CSMD1: variants seen among roughly 807,000 people sequenced by gnomAD.
The protein encoded by CSMD1 is CUB and Sushi multiple domains 1.
In CSMD1, 213 loss-of-function variants were observed where a neutral mutation model predicts 417.5. The ratio of observed to expected loss-of-function variants is 0.51; its 90% CI spans 0.46 to 0.57. The LOEUF is 0.57. CSMD1 is among the 20% of genes least tolerant of loss of function. CSMD1 has a pLI of 0.00. For missense variants in CSMD1, 6,923 were observed against 4,529.7 expected (o/e 1.53, Z -15.17); for synonymous variants, 2,862 against 1,736.8 (o/e 1.65, Z -16.11).
chr8:3,397,660 G>A (rs752490229), intron 16 of CSMD1, among the ~76,000 whole-genome samples: 2 of 152,172 alleles, frequency 1.3e-5, no homozygotes, highest in Non-Finnish European at 2.9e-5. Flanking sequence ...CAAGAAGTCT[G>A]GCTAAGCGTG....
At chr8:4,528,867 G>C (rs1205545043) in intron 2 of CSMD1, among the ~76,000 whole-genome samples, 3 of 152,016 alleles carry the variant, frequency 2.0e-5, no homozygotes, top group South Asian at 4.1e-4. Flanking sequence ...AAAAGGTATA[G>C]TACTAAAAAT....
At chr8:3,415,378 A>C (rs927994329) in intron 12 of CSMD1, among the ~76,000 whole-genome samples, 1 of 152,144 alleles carries the variant, frequency 6.6e-6, no homozygotes, top group Non-Finnish European at 1.5e-5. Context: ...ATTTATTTGA[A>C]ATGGAGCCTC....
At chr8:4,562,507 G>A (rs1224827926) in intron 2 of CSMD1, among the ~76,000 whole-genome samples, 1 of 152,108 alleles carries the variant, frequency 6.6e-6, no homozygotes, top group Non-Finnish European at 1.5e-5. Flanking sequence ...AACAAACCTG[G>A]AGTCAGTAAG....
intron 3 of CSMD1, among the ~76,000 whole-genome samples, chr8:4,390,075 C>T (rs1803739715): frequency 6.6e-6 from 1 of 152,128 alleles, no homozygotes; most frequent in South Asian, 2.1e-4. Flanking sequence ...TGAGAATTAC[C>T]ACTTCTATGC....
chr8:4,008,871 A>G lies in CSMD1; in HGVS notation c.611-10761T>C, dbSNP rs556223433. Among the ~76,000 whole-genome samples the G allele has an allele frequency of 3.8e-3, 581 of 151,922 alleles. 2 individuals carry two copies. Among genetic ancestry groups the G allele is most frequent in the African/African-American group, 0.013 (544 of 41,436 alleles). On this transcript the variant is annotated intron_variant, in intron 4 of 69. Coordinates refer to ENST00000635120, the MANE Select transcript of CSMD1 (RefSeq NM_033225.6). ...CTGATCCGTCCGCCTCGGCCTCCCAAAGTGCTGGGATTACAGGCGTGAGCC... is the reference window on the plus strand; with the variant it reads ...CTGATCCGTCCGCCTCGGCCTCCCAGAGTGCTGGGATTACAGGCGTGAGCC...
At chr8:3,245,187 C>T (rs985981834) in intron 26 of CSMD1, among the ~76,000 whole-genome samples, 1 of 152,208 alleles carries the variant, frequency 6.6e-6, no homozygotes, top group East Asian at 1.9e-4. Flanking sequence ...CTCCTGTCTT[C>T]TGAGTTGCTC....
chr8:3,731,959 G>T (rs550163086), intron 6 of CSMD1, among the ~76,000 whole-genome samples: 1 of 152,110 alleles, frequency 6.6e-6, no homozygotes, highest in African/African-American at 2.4e-5. Context: ...CAAACCCTGG[G>T]CTCTCACTGA....
At chr8:3,864,301 C>T (rs1240059187) in intron 5 of CSMD1, among the ~76,000 whole-genome samples, 2 of 152,130 alleles carry the variant, frequency 1.3e-5, no homozygotes, top group African/African-American at 2.4e-5. Context: ...ATTTGTTGAG[C>T]TCTTTTCCTA....
chr8:3,037,184 A>G (rs896211347), intron 50 of CSMD1, among the ~76,000 whole-genome samples: 40 of 151,930 alleles, frequency 2.6e-4, no homozygotes, highest in Non-Finnish European at 8.8e-5. Flanking sequence ...GCAGTATTTC[A>G]TAGTGCATAT....
At chr8:3,885,293 T>C (rs1239539960) in intron 5 of CSMD1, among the ~76,000 whole-genome samples, 2 of 152,144 alleles carry the variant, frequency 1.3e-5, no homozygotes, top group Non-Finnish European at 2.9e-5. Context: ...ATAGAATCAA[T>C]CTGACCTTTT....
intron 3 of CSMD1, among the ~76,000 whole-genome samples, chr8:4,186,613 T>C (rs1042852577): frequency 2.0e-5 from 3 of 152,154 alleles, no homozygotes; most frequent in Non-Finnish European, 4.4e-5. Flanking sequence ...CCTCTCTCAA[T>C]CTTCCAGGGG....
chr8:3,832,653 A>C (rs77046875), intron 5 of CSMD1, among the ~76,000 whole-genome samples: 4,029 of 152,280 alleles, frequency 0.026, 71 homozygotes, highest in African/African-American at 0.049. Context: ...ACTTACAACG[A>C]AACTGAGATT....
intron 7 of CSMD1, among the ~76,000 whole-genome samples, chr8:3,650,553 T>C (rs76916693): frequency 1.3e-5 from 2 of 152,170 alleles, no homozygotes; most frequent in East Asian, 1.9e-4. Context: ...GAATCTGTTA[T>C]GTTATTACAG....
chr8:3,025,443 G>C (rs1809797248), intron 51 of CSMD1, among the ~76,000 whole-genome samples: 1 of 151,696 alleles, frequency 6.6e-6, no homozygotes, highest in Non-Finnish European at 1.5e-5. Flanking sequence ...ACCGTGTATT[G>C]TGTGGTGTTC....
At chr8:4,693,208 G>C (rs147093845) in intron 1 of CSMD1, among the ~76,000 whole-genome samples, 37 of 152,178 alleles carry the variant, frequency 2.4e-4, no homozygotes, top group Admixed American at 9.2e-4. Context: ...GAGACACCAT[G>C]CTCACCCCTT....
intron 30 of CSMD1, among the ~76,000 whole-genome samples, chr8:3,213,743 A>C (rs1797738057): frequency 1.3e-5 from 2 of 150,802 alleles, no homozygotes; most frequent in South Asian, 4.2e-4. Flanking sequence ...ATATGTAAAA[A>C]TATATGTGTG....
Position 4,920,318 on chromosome 8 carries a change from G to C in CSMD1, c.85+74014C>G, listed in dbSNP as rs577497943. Among the ~76,000 whole-genome samples, 4 of 151,502 alleles carry C rather than the reference G, an allele frequency of 2.6e-5. No individual in the cohort carries two copies. In the East Asian group the frequency reaches 7.9e-4, roughly 30 times the overall value. ...AGTTCAAGATAAGTCAATTTCTTGA[G>C]TCTACACATAGGAAAATTAGAATAT... On this transcript the variant is annotated intron_variant, in intron 1 of 69. Coordinates refer to ENST00000635120, the MANE Select transcript of CSMD1 (RefSeq NM_033225.6).
At chr8:4,955,721 G>A (rs981653825) in intron 1 of CSMD1, among the ~76,000 whole-genome samples, 2 of 152,146 alleles carry the variant, frequency 1.3e-5, no homozygotes, top group Admixed American at 1.3e-4. Flanking sequence ...CTCCTAAAGT[G>A]CTGGGATTAC....
At chr8:4,429,322 C>G (rs1225843841) in intron 2 of CSMD1, among the ~76,000 whole-genome samples, 1 of 151,966 alleles carries the variant, frequency 6.6e-6, no homozygotes, top group African/African-American at 2.4e-5. Flanking sequence ...TCTTCAAGAG[C>G]TTTACATGTG....
Sources: allele counts gnomAD v4.1 joint callset (sites outside exome capture counted in the v4.1 genomes callset), GRCh38; gene constraint gnomAD v4.1.1; transcripts MANE v1.5; gene names NCBI Gene and HGNC (gene_info 2026-07-23, HGNC 2026-07-21).